The following HPCAL1 variants were observed in gnomAD, a reference collection of about 807,000 sequenced individuals.
The protein encoded by HPCAL1 is hippocalcin-like protein 1.
Under a neutral mutation model 17.1 loss-of-function variants are expected in HPCAL1, and 8 were observed. The ratio of observed to expected loss-of-function variants is 0.47; its 90% CI spans 0.27 to 0.84. HPCAL1 has a LOEUF of 0.84. HPCAL1 is among the 40% of genes least tolerant of loss of function. The probability of loss-of-function intolerance (pLI) is 0.13; values close to 1 mark genes in which losing one functional copy is unlikely to be tolerated. For synonymous variants in HPCAL1, 112 were observed against 111.4 expected (o/e 1.01, Z -0.03); for missense variants, 165 against 271.1 (o/e 0.61, Z 2.75).
intron 1 of HPCAL1, among the ~76,000 whole-genome samples, chr2:10,380,417 G>T (rs1443017137): frequency 6.6e-6 from 1 of 152,160 alleles, no homozygotes; most frequent in Non-Finnish European, 1.5e-5. Context: ...GTTGAATTGG[G>T]ATTTTTCCAG....
chr2:10,398,716 G>T (rs1294573512), intron 2 of HPCAL1, among the ~76,000 whole-genome samples: 1 of 152,160 alleles, frequency 6.6e-6, no homozygotes, highest in Non-Finnish European at 1.5e-5. Flanking sequence ...CGTGGGTGGG[G>T]TGGGTTTTCC....
At chr2:10,385,010 C>T (rs1398921748) in intron 1 of HPCAL1, among the ~76,000 whole-genome samples, 3 of 151,608 alleles carry the variant, frequency 2.0e-5, no homozygotes, top group Admixed American at 2.0e-4. Context: ...ATCCCAGCTA[C>T]TTGGGAGGTT....
intron 1 of HPCAL1, among the ~76,000 whole-genome samples, chr2:10,335,775 C>T (rs1033448481): frequency 7.9e-5 from 12 of 152,170 alleles, no homozygotes; most frequent in South Asian, 2.1e-4. Flanking sequence ...CATACCTCTC[C>T]GGCACTTGTG....
Position 10,377,883 on chromosome 2 carries a change from G to A in HPCAL1, c.-110-18952G>A, listed in dbSNP as rs1315022812. Among the ~76,000 whole-genome samples the A allele has an allele frequency of 6.6e-6, 1 of 152,188 alleles. No homozygotes were observed. Among genetic ancestry groups the A allele is most frequent in the Admixed American group, 6.5e-5 (1 of 15,286 alleles). The stretch of plus-strand genomic sequence containing the variant: ...AAGGGCGGCAAGCCACCAAGGGGAC[G>A]GGGCAGGCACAGGGAGGGCATTTCA... On this transcript the variant is annotated intron_variant, in intron 1 of 4. Coordinates refer to ENST00000307845, the MANE Select transcript of HPCAL1 (RefSeq NM_002149.4). This position sits in a 1 kb window ranked among gnomAD's most constrained non-coding sequence, Gnocchi z 5.9.
intron 1 of HPCAL1, among the ~76,000 whole-genome samples, chr2:10,317,020 G>C (rs1663357446): frequency 6.6e-6 from 1 of 152,148 alleles, no homozygotes; most frequent in Admixed American, 6.5e-5. Flanking sequence ...TTAACACCGA[G>C]GCAGGAAGCC....
chr2:10,390,529 A>G (rs367776721), intron 1 of HPCAL1, among the ~76,000 whole-genome samples: 1 of 151,954 alleles, frequency 6.6e-6, no homozygotes, highest in Admixed American at 6.6e-5. Context: ...TTTTCTCCCT[A>G]AGGGACTTTG....
chr2:10,307,567 A>G (rs1446081336), intron 1 of HPCAL1, among the ~76,000 whole-genome samples: 1 of 152,136 alleles, frequency 6.6e-6, no homozygotes, highest in Non-Finnish European at 1.5e-5. Context: ...CATCTCCCTC[A>G]CTGAAGCTGT....
chr2:10,400,723 T>A (rs1272995520), intron 2 of HPCAL1, among the ~76,000 whole-genome samples: 5 of 152,110 alleles, frequency 3.3e-5, no homozygotes, highest in Admixed American at 3.3e-4. Flanking sequence ...CTGACAAGCA[T>A]TGTGGGCAGA....
intron 1 of HPCAL1, among the ~76,000 whole-genome samples, chr2:10,313,855 G>A (rs1034611264): frequency 2.6e-5 from 4 of 152,206 alleles, no homozygotes; most frequent in African/African-American, 9.7e-5. Context: ...CTCTTGGGCC[G>A]GGCGTGGTGG....
At chr2:10,307,594 G>A (rs944792196) in intron 1 of HPCAL1, among the ~76,000 whole-genome samples, 1 of 152,032 alleles carries the variant, frequency 6.6e-6, no homozygotes, top group Non-Finnish European at 1.5e-5. Context: ...TACCTATTAT[G>A]GTCAACACGT....
rs141315946 is a variant in HPCAL1 at position 10,382,779 on chromosome 2, C to T, written c.-110-14056C>T. On this transcript the variant is annotated intron_variant, in intron 1 of 4. Coordinates refer to ENST00000307845, the MANE Select transcript of HPCAL1 (RefSeq NM_002149.4). Reference sequence around the variant, plus strand: ...GGACCCAGTGAAGACCTCCTGTGCCCGGCTGCAGCTGCTGAGTGTGGGAGT... The same window carrying T: ...GGACCCAGTGAAGACCTCCTGTGCCTGGCTGCAGCTGCTGAGTGTGGGAGT... 4.5e-3 allele frequency among the ~76,000 whole-genome samples: 692 copies of T among 152,246 alleles called. 9 individuals carry two copies. Among genetic ancestry groups the T allele is most frequent in the African/African-American group, 0.016 (668 of 41,546 alleles).
chr2:10,309,879 G>A (rs140324482), intron 1 of HPCAL1, among the ~76,000 whole-genome samples: 4 of 152,128 alleles, frequency 2.6e-5, no homozygotes, highest in Admixed American at 6.5e-5. Flanking sequence ...ACAAATGACC[G>A]TTCTCTCCCA....
rs1047465165 is a variant in HPCAL1, at chr2:10,331,510, G to A, written c.-111+28333G>A. 1.9e-4 allele frequency among the ~76,000 whole-genome samples: 29 copies of A among 152,190 alleles called. No individual in the cohort carries two copies. The highest frequency in any genetic ancestry group is 7.0e-4 in the African/African-American group (29 of 41,438). ...GCTGGTGGAACGGATGCAGCAGCGAGGTTTTCCGGGGCAGGAACACCCTCC... is the reference window on the plus strand; with the variant it reads ...GCTGGTGGAACGGATGCAGCAGCGAAGTTTTCCGGGGCAGGAACACCCTCC... On this transcript the variant is annotated intron_variant, in intron 1 of 4. Transcript: ENST00000307845. This position sits in a 1 kb window ranked among gnomAD's most constrained non-coding sequence, Gnocchi z 5.0.
At chr2:10,348,578 G>A (rs1161372239) in intron 1 of HPCAL1, among the ~76,000 whole-genome samples, 1 of 149,422 alleles carries the variant, frequency 6.7e-6, no homozygotes, top group Non-Finnish European at 1.5e-5. Flanking sequence ...AGCCTGGGTA[G>A]CATAGCAAGA....
At chr2:10,411,259 AGAGGAGGTTACAGGACAAT>A (rs2125614983) in intron 2 of HPCAL1, among the ~76,000 whole-genome samples, 1 of 152,318 alleles carries the variant, frequency 6.6e-6, no homozygotes, top group Admixed American at 6.5e-5. Context: ...GAAAGGGCCC[AGAGGAGGTTACAGGACAAT>A]GGGAAGGAGG....
chr2:10,380,277 A>G (rs1315450257), intron 1 of HPCAL1, among the ~76,000 whole-genome samples: 3 of 152,168 alleles, frequency 2.0e-5, no homozygotes, highest in Non-Finnish European at 2.9e-5. Context: ...AGGTTGGCAA[A>G]TAAGCCACAT....
rs1431189309 is a variant in HPCAL1 at position 10,427,005 on chromosome 2, C to T, written c.*184C>T. 5.0e-6 allele frequency: 3 copies of T among 602,408 alleles called. No homozygotes were observed. Among genetic ancestry groups the T allele is most frequent in the Non-Finnish European group, 6.0e-6 (2 of 334,726 alleles). 37.3% of individuals were successfully genotyped at this position (602,408 alleles called of 1,614,324 possible). On this transcript the variant is annotated 3_prime_UTR_variant, in exon 5 of 5. Transcript: ENST00000307845. ...TCCACCTGACCAACGCGACATTCCT[C>T]CCCTCACGCCTGGCCCGGTCCCTTC... is the stretch of plus-strand genomic sequence containing the variant.
Position 10,323,941 on chromosome 2 carries a change from A to C in HPCAL1, c.-111+20764A>C, listed in dbSNP as rs993183740. Among the ~76,000 whole-genome samples, 2 of 152,258 alleles carry C rather than the reference A, an allele frequency of 1.3e-5. No homozygotes were observed. Among genetic ancestry groups the C allele is most frequent in the Non-Finnish European group, 2.9e-5 (2 of 68,046 alleles). On this transcript the variant is annotated intron_variant, in intron 1 of 4. Transcript: ENST00000307845. This position sits in a 1 kb window ranked among gnomAD's most constrained non-coding sequence, Gnocchi z 4.6. ...AAATGTGGCACAAGAACGTAGTCTA[A>C]AGGATGTACTTCACCATGCAAAAGC...
intron 1 of HPCAL1, among the ~76,000 whole-genome samples, chr2:10,396,627 CT>C (rs1669044485): frequency 6.6e-6 from 1 of 152,240 alleles, no homozygotes; most frequent in African/African-American, 2.4e-5. Flanking sequence ...TCCTGGGCTT[CT>C]CGCCTGCTGG....
Sources: allele counts gnomAD v4.1 joint callset (sites outside exome capture counted in the v4.1 genomes callset), GRCh38; gene constraint gnomAD v4.1.1; non-coding constraint Gnocchi (gnomAD v3.1); transcripts MANE v1.5; gene names NCBI Gene and HGNC (gene_info 2026-07-23, HGNC 2026-07-21).